PEAK3: variants seen among roughly 807,000 people sequenced by gnomAD.
PEAK3 encodes PEAK family member 3.
PEAK3 carries 15 observed loss-of-function variants against 13.3 expected under a neutral mutation model. The observed-to-expected ratio is 1.13, with a 90% CI of 0.75 to 1.73. The LOEUF (loss-of-function observed/expected upper bound fraction) is 1.73, where lower values mean the gene tolerates loss of function less well. Ranked by LOEUF, PEAK3 falls within the 40% of genes most tolerant of loss-of-function variation. The pLI, the probability that PEAK3 is intolerant of heterozygous loss-of-function variation, is 0.00. For missense variants in PEAK3, 739 were observed against 690.2 expected (o/e 1.07, Z -0.79); for synonymous variants, 347 against 341.9 (o/e 1.01, Z -0.17).
intron 2 of PEAK3, among the ~76,000 whole-genome samples, chr19:2,280,490 T>C (rs1367170015): frequency 6.6e-6 from 1 of 151,958 alleles, no homozygotes; most frequent in Admixed American, 6.6e-5. Flanking sequence ...GACTGCAGGC[T>C]CTTGACACCA....
chr19:2,278,667 A>C lies in PEAK3; in HGVS notation c.529T>G (p.Ser177Ala). 1 of 1,516,318 alleles carries C rather than the reference A, an allele frequency of 6.6e-7. No individual in the cohort carries two copies. Among genetic ancestry groups the C allele is most frequent in the Non-Finnish European group, 8.8e-7 (1 of 1,132,248 alleles). 93.9% of individuals were successfully genotyped at this position (1,516,318 alleles called of 1,614,324 possible). ...GCGTCCCCGCTCTCTGCGCAGGGTG[A>C]GCTGTCTAGGAGGCGGAAGCTGTGG... ...PGHSFRLLDS[S>A]PCAESGDALY... The change falls in exon 3 of 4, where the codon TCA becomes GCA. Residue 177 changes from serine (S) to alanine (A), a missense_variant. Coordinates refer to ENST00000342063, the MANE Select transcript of PEAK3 (RefSeq NM_198532.3).
chr19:2,276,722 G>C (rs2025394019), intron 3 of PEAK3, among the ~76,000 whole-genome samples: 1 of 152,178 alleles, frequency 6.6e-6, no homozygotes, highest in Non-Finnish European at 1.5e-5. Context: ...CCTGGGCAAT[G>C]AGTTCGAAAG....
Position 2,276,360 on chromosome 19 carries a change from T to C in PEAK3, c.742A>G (p.Arg248Gly). 6.3e-7 allele frequency: 1 copy of C among 1,599,668 alleles called. No individual in the cohort carries two copies. The highest frequency in any genetic ancestry group is 1.1e-5 in the South Asian group (1 of 90,750). ...PEGTLPGAPWRGAVALAAEVP... is the reference protein window; with the variant it reads ...PEGTLPGAPWGGAVALAAEVP... Reference sequence around the variant, plus strand: ...TCGGCTGCCAGCGCCACTGCGCCTCTCCAGGGCGCCCCGGGCAGTGTGCCT... The same window carrying C: ...TCGGCTGCCAGCGCCACTGCGCCTCCCCAGGGCGCCCCGGGCAGTGTGCCT... The change falls in exon 4 of 4, where the codon AGA becomes GGA. Residue 248 changes from arginine (R) to glycine (G), a missense_variant. By Grantham distance (125) the Arg-to-Gly change is moderately radical. Transcript: ENST00000342063.
chr19:2,279,521 TG>T (rs1406417090), intron 2 of PEAK3, among the ~76,000 whole-genome samples: 1 of 151,446 alleles, frequency 6.6e-6, no homozygotes, highest in Non-Finnish European at 1.5e-5. Context: ...CCGGGCTTGG[TG>T]GTGGGCGCCT....
At position 2,279,036 on chromosome 19, in the gene PEAK3, GC is replaced by G; in HGVS notation, c.159del (p.Glu53AspfsTer12). The part of the protein sequence containing the change: ...RTPGSLSTNP[E>X]PLPPPLPKKI... ...TTCTTGGGCAGGGGTGGGGGCAGGG[GC>G]TCTGGGTTGGTGGAGAGGGACCCAG... is the stretch of plus-strand genomic sequence containing the variant. On this transcript the variant is annotated frameshift_variant, in exon 3 of 4. Coordinates refer to ENST00000342063, the MANE Select transcript of PEAK3 (RefSeq NM_198532.3). LOFTEE classifies it high-confidence loss of function. 9 of 1,519,476 alleles carry G rather than the reference GC, an allele frequency of 5.9e-6. No homozygotes were observed. The highest frequency in any genetic ancestry group is 8.0e-6 in the Non-Finnish European group (9 of 1,128,152). 94.1% of individuals were successfully genotyped at this position (1,519,476 alleles called of 1,614,324 possible).
chr19:2,279,429 G>T (rs1483940291), intron 2 of PEAK3, among the ~76,000 whole-genome samples: 1 of 152,120 alleles, frequency 6.6e-6, no homozygotes, highest in Middle Eastern at 3.2e-3. Context: ...GGCCGAGATG[G>T]GTGGATCACG....
Position 2,278,636 on chromosome 19 carries a change from T to C in PEAK3, c.560A>G (p.Tyr187Cys), listed in dbSNP as rs1433096475. Residue 187 changes from tyrosine to cysteine, a missense_variant, in exon 3 of 4, where the codon TAT becomes TGT. Tyr to Cys is a radical substitution (Grantham distance 194). Coordinates refer to ENST00000342063, the MANE Select transcript of PEAK3 (RefSeq NM_198532.3). ...SPCAESGDALYYRVVRAHEDA... is the reference protein window; with the variant it reads ...SPCAESGDALCYRVVRAHEDA... ...CTCGTGCGCGCGCACCACGCGGTAA[T>C]ACAGGGCGTCCCCGCTCTCTGCGCA... The C allele has an allele frequency of 2.7e-6, 4 of 1,504,368 alleles. No individual in the cohort carries two copies. The South Asian group carries it at 5.4e-5, about 20-fold the overall frequency. 93.2% of individuals were successfully genotyped at this position (1,504,368 alleles called of 1,614,324 possible).
In PEAK3 at chr19:2,279,085, G is replaced by A. The variant is rs1403441573; in HGVS notation, c.111C>T (p.Ser37=). 2 of 1,463,324 alleles carry A rather than the reference G, an allele frequency of 1.4e-6. No individual in the cohort carries two copies. Among genetic ancestry groups the A allele is most frequent in the South Asian group, 2.8e-5 (2 of 70,230 alleles). 90.6% of individuals were successfully genotyped at this position (1,463,324 alleles called of 1,614,324 possible). A position where few individuals can be genotyped will look rare whatever the true frequency, so the allele number is the denominator to read the frequency against. ...LGQIRAHLLP[S]KACRLRTPGS... ...CAGGGGTCCGGAGGCGGCAGGCCTTGGAGGGCAGCAGGTGGGCACGGATCT... is the reference window on the plus strand; with the variant it reads ...CAGGGGTCCGGAGGCGGCAGGCCTTAGAGGGCAGCAGGTGGGCACGGATCT... Residue 37 remains serine (S), a synonymous_variant, in exon 3 of 4, where the codon TCC becomes TCT. Coordinates refer to ENST00000342063, the MANE Select transcript of PEAK3 (RefSeq NM_198532.3).
intron 2 of PEAK3, among the ~76,000 whole-genome samples, chr19:2,280,331 G>A (rs2025428424): frequency 6.6e-6 from 1 of 151,952 alleles, no homozygotes; most frequent in African/African-American, 2.4e-5. Context: ...AAAGTGCTGG[G>A]ATTAAAGGGT....
chr19:2,280,053 CTTTTTTTT>C (rs34177687), intron 2 of PEAK3, among the ~76,000 whole-genome samples: 2 of 36,786 alleles, frequency 5.4e-5, no homozygotes, highest in African/African-American at 2.6e-4. Flanking sequence ...TGCACCTGGC[CTTTTTTTT>C]TTTTTTTTTT....
chr19:2,279,930 T>G (rs1041088499), intron 2 of PEAK3, among the ~76,000 whole-genome samples: 7 of 151,062 alleles, frequency 4.6e-5, no homozygotes, highest in African/African-American at 1.7e-4. Context: ...ATTTTTGTAT[T>G]TTTAGTAGAG....
Position 2,275,733 on chromosome 19 carries a change from C to T in PEAK3, c.1369G>A (p.Ala457Thr). 1 of 1,563,404 alleles carries T rather than the reference C, an allele frequency of 6.4e-7. No homozygotes were observed. Among genetic ancestry groups the T allele is most frequent in the Non-Finnish European group, 8.6e-7 (1 of 1,156,572 alleles). Reference sequence around the variant, plus strand: ...CCCATCGAGGACTCGGTGGCCTCGGCCAGGTATTCGCAACACAGCCAGTCC... The same window carrying T: ...CCCATCGAGGACTCGGTGGCCTCGGTCAGGTATTCGCAACACAGCCAGTCC... ...LEDWLCCEYL[A>T]EATESSMGQA... The change falls in exon 4 of 4, where the codon GCC becomes ACC. Residue 457 changes from alanine (A) to threonine (T), a missense_variant. By Grantham distance (58) the Ala-to-Thr change is moderately conservative. Coordinates refer to ENST00000342063, the MANE Select transcript of PEAK3 (RefSeq NM_198532.3).
chr19:2,280,795 C>A (rs753314460), intron 2 of PEAK3, 55 bp downstream of exon 2: 5 of 1,406,634 alleles, frequency 3.6e-6, no homozygotes, highest in Non-Finnish European at 4.8e-6. Context: ...CTCCCTGCAC[C>A]CCCCTGCCGC....
chr19:2,280,830 C>T lies in PEAK3; in HGVS notation c.82+20G>A. The T allele has an allele frequency of 1.3e-6, 2 of 1,599,256 alleles. No homozygotes were observed. The highest frequency in any genetic ancestry group is 1.7e-6 in the Non-Finnish European group (2 of 1,172,560). On this transcript the variant is annotated intron_variant, in intron 2 of 3. Coordinates refer to ENST00000342063, the MANE Select transcript of PEAK3 (RefSeq NM_198532.3). ...CTCCCTGCACCCCCGCAGCCCAGGG[C>T]TCCCTGGGGAGCTGCTTACCAAGGT...
chr19:2,275,844 G>GCGCT lies in PEAK3; in HGVS notation c.1254_1257dup (p.Leu420SerfsTer82). 6.7e-7 allele frequency: 1 copy of GCGCT among 1,495,874 alleles called. No homozygotes were observed. The highest frequency in any genetic ancestry group is 8.9e-7 in the Non-Finnish European group (1 of 1,128,744). The allele number at this position is 1,495,874 out of a possible 1,614,324, so 92.7% of individuals were successfully genotyped here. A position where few individuals can be genotyped will look rare whatever the true frequency, so the allele number is the denominator to read the frequency against. On this transcript the variant is annotated frameshift_variant, in exon 4 of 4. Coordinates refer to ENST00000342063, the MANE Select transcript of PEAK3 (RefSeq NM_198532.3). LOFTEE classifies it low-confidence loss of function (END_TRUNC). The stretch of plus-strand genomic sequence containing the variant: ...CGGCGCACCCGCAGCCAGGGCCCGA[G>GCGCT]CGCTCGGAGCCAGGGACCAAGCGGT...
Position 2,278,704 on chromosome 19 carries a change from G to T in PEAK3, c.492C>A (p.Pro164=). The T allele has an allele frequency of 6.6e-7, 1 of 1,525,294 alleles. No individual in the cohort carries two copies. Among genetic ancestry groups the T allele is most frequent in the Non-Finnish European group, 8.8e-7 (1 of 1,136,148 alleles). 94.5% of individuals were successfully genotyped at this position (1,525,294 alleles called of 1,614,324 possible). A position where few individuals can be genotyped will look rare whatever the true frequency, so the allele number is the denominator to read the frequency against. ...RARLMGGHPG[P]CHPGHSFRLL... is the part of the protein sequence containing the mutation. ...GGCGGAAGCTGTGGCCGGGGTGGCA[G>T]GGCCCGGGGTGGCCCCCCATGAGCC... Residue 164 remains proline, a synonymous_variant, in exon 3 of 4, where the codon CCC becomes CCA. Transcript: ENST00000342063.
In PEAK3 at chr19:2,275,402, TG is replaced by T. The variant is rs1432973810; in HGVS notation, c.*277del. Reference sequence around the variant, plus strand: ...ATTGATCAGCGGGGTTGTCCACACCTGGAAGTGGCGTGGGGGCCCTGGCTTC... The same window carrying T: ...ATTGATCAGCGGGGTTGTCCACACCTGAAGTGGCGTGGGGGCCCTGGCTTC... On this transcript the variant is annotated 3_prime_UTR_variant, in exon 4 of 4. Transcript: ENST00000342063. The T allele has an allele frequency of 6.2e-6, 2 of 324,662 alleles. No individual in the cohort carries two copies. Among genetic ancestry groups the T allele is most frequent in the Non-Finnish European group, 1.1e-5 (2 of 177,886 alleles). 20.1% of individuals were successfully genotyped at this position (324,662 alleles called of 1,614,324 possible).
rs972972370 is a variant in PEAK3 at position 2,276,247 on chromosome 19, C to A, written c.855G>T (p.Leu285=). ...EEFVWAVALL[L]LQLSAALKFL... ...ACTTCAGGGCCGCGCTCAGCTGCAG[C>A]AGCAGCAGGGCCACAGCCCACACGA... is the stretch of plus-strand genomic sequence containing the variant. Residue 285 remains leucine, a synonymous_variant, in exon 4 of 4, where the codon CTG becomes CTT. Coordinates refer to ENST00000342063, the MANE Select transcript of PEAK3 (RefSeq NM_198532.3). 1.9e-6 allele frequency: 3 copies of A among 1,589,088 alleles called. No homozygotes were observed. In the East Asian group the frequency reaches 6.9e-5, roughly 37 times the overall value.
At position 2,279,018 on chromosome 19, in the gene PEAK3, G is replaced by T; in HGVS notation, c.178C>A (p.Pro60Thr). The change falls in exon 3 of 4, where the codon CCC (proline) becomes ACC (threonine). Residue 60 changes from proline to threonine, a missense_variant. Transcript: ENST00000342063. ...TGGGTCCGGGTTAGGATCTTCTTGG[G>T]CAGGGGTGGGGGCAGGGGCTCTGGG... ...TNPEPLPPPL[P>T]KKILTRTQSL... 1 of 1,549,478 alleles carries T rather than the reference G, an allele frequency of 6.5e-7. No homozygotes were observed. Among genetic ancestry groups the T allele is most frequent in the Non-Finnish European group, 8.8e-7 (1 of 1,141,528 alleles).
Sources: gnomAD v4.1 joint callset for allele counts (sites outside exome capture counted in the v4.1 genomes callset) on GRCh38, gnomAD v4.1.1 for gene constraint, MANE v1.5 for transcripts, NCBI Gene and HGNC (gene_info 2026-07-23, HGNC 2026-07-21) for gene names.